Variants in POLR1C observed in about 807,000 individuals in gnomAD.
POLR1C encodes the protein RNA polymerase I and III subunit C.
A neutral mutation model predicts 38.3 loss-of-function variants in POLR1C; 42 were observed. The ratio of observed to expected loss-of-function variants is 1.10; its 90% CI spans 0.86 to 1.42. The LOEUF is 1.42. POLR1C is among the 40% of genes most tolerant of loss of function. The pLI, the probability that POLR1C is intolerant of heterozygous loss-of-function variation, is 0.00. For missense variants in POLR1C, 507 were observed against 450.5 expected (o/e 1.13, Z -1.14); for synonymous variants, 163 against 163.9 (o/e 0.99, Z 0.04).
chr6:43,527,548 T>C, intron 8 of POLR1C: 3 of 1,339,640 alleles, frequency 2.2e-6, no homozygotes, highest in Non-Finnish European at 2.1e-6. Flanking sequence ...TCCTTTGCAT[T>C]AGTCAGGCCT....
chr6:43,528,009 C>A, intron 8 of POLR1C: 1 of 820,032 alleles, frequency 1.2e-6, no homozygotes. Context: ...AACAGCCTGT[C>A]CAGACAAGCC....
chr6:43,528,158 C>A, intron 8 of POLR1C: 1 of 1,591,302 alleles, frequency 6.3e-7, no homozygotes, highest in Admixed American at 1.8e-5. Flanking sequence ...GTATCCCTTA[C>A]CACAGCAGGC....
At chr6:43,552,821 A>C (rs560082375) in intron 10 of POLR1C, among the ~76,000 whole-genome samples, 1 of 152,282 alleles carries the variant, frequency 6.6e-6, no homozygotes, top group Non-Finnish European at 1.5e-5. Context: ...TGGCCACTAT[A>C]CTGGTGGCGT....
intron 10 of POLR1C, among the ~76,000 whole-genome samples, chr6:43,556,456 G>T (rs1208988255): frequency 6.6e-6 from 1 of 151,188 alleles, no homozygotes; most frequent in East Asian, 1.9e-4. Context: ...GCCCAGGGAG[G>T]TGAAGATTGT....
downstream of POLR1C, chr6:43,533,853 G>T: frequency 7.5e-7 from 1 of 1,339,432 alleles, no homozygotes; most frequent in Non-Finnish European, 1.0e-6. Flanking sequence ...AAAAAAAGGG[G>T]ACATCCATTA....
At chr6:43,552,302 C>T (rs904124042) in intron 10 of POLR1C, among the ~76,000 whole-genome samples, 6 of 152,114 alleles carry the variant, frequency 3.9e-5, no homozygotes, top group Non-Finnish European at 8.8e-5. Context: ...AGGTGATCCA[C>T]CCACCTTAGC....
At chr6:43,535,195 G>A (rs1794240161) in intron 9 of POLR1C, among the ~76,000 whole-genome samples, 2 of 151,684 alleles carry the variant, frequency 1.3e-5, no homozygotes, top group South Asian at 2.1e-4. Context: ...GGGAGGCTGA[G>A]CTTGCAGTGA....
At chr6:43,558,516 T>C (rs1762235063) in intron 10 of POLR1C, 2 of 1,602,216 alleles carry the variant, frequency 1.2e-6, no homozygotes, top group Non-Finnish European at 1.7e-6. Flanking sequence ...AAGAAAGCAT[T>C]GAAGTCCTCA....
At chr6:43,524,751 T>G (rs1393562730), downstream of POLR1C, 6 of 1,589,502 alleles carry the variant, frequency 3.8e-6, no homozygotes, top group Non-Finnish European at 5.1e-6. Flanking sequence ...GTGCCTGAAT[T>G]TAGGATAAGG....
At chr6:43,556,901 G>A (rs1762119481) in intron 10 of POLR1C, among the ~76,000 whole-genome samples, 1 of 152,192 alleles carries the variant, frequency 6.6e-6, no homozygotes, top group African/African-American at 2.4e-5. Context: ...GCCAAGGCAG[G>A]TGAATCAGCT....
At chr6:43,558,354 T>G (rs1762222662) in intron 10 of POLR1C, 3 of 681,488 alleles carry the variant, frequency 4.4e-6, no homozygotes, top group Non-Finnish European at 7.2e-6. Flanking sequence ...AGCACTCTTC[T>G]GCAATGGGAA....
chr6:43,523,876 C>A, downstream of POLR1C: 1 of 1,613,982 alleles, frequency 6.2e-7, no homozygotes, highest in Non-Finnish European at 8.5e-7. Context: ...ATTCAGGGTT[C>A]AAAGATGGTG....
intron 8 of POLR1C, chr6:43,527,822 T>C (rs1561863998): frequency 2.2e-5 from 30 of 1,365,350 alleles, no homozygotes; most frequent in South Asian, 2.5e-5. Flanking sequence ...CTCTGACCAC[T>C]TTCTTCTCCT....
chr6:43,549,932 T>TA, intron 9 of POLR1C: 1 of 1,612,296 alleles, frequency 6.2e-7, no homozygotes, highest in East Asian at 2.2e-5. Flanking sequence ...CAGATGAAAA[T>TA]AGCTAAGGGA....
At chr6:43,517,428 G>A (rs1792892117) in intron 2 of POLR1C, 51 bp downstream of exon 2, 1 of 1,480,932 alleles carries the variant, frequency 6.8e-7, no homozygotes, top group African/African-American at 1.4e-5. Context: ...CAGACCTTGT[G>A]GTCTGAGCAG....
chr6:43,525,434 G>A (rs890990842), downstream of POLR1C: 3 of 546,508 alleles, frequency 5.5e-6, no homozygotes, highest in Non-Finnish European at 9.6e-6. Context: ...CACCATGCCT[G>A]GCTTAGGAGC....
At chr6:43,536,017 G>A (rs992569731) in intron 9 of POLR1C, among the ~76,000 whole-genome samples, 43 of 143,244 alleles carry the variant, frequency 3.0e-4, no homozygotes, top group East Asian at 1.7e-3. Context: ...CAGCTTCTCC[G>A]GAGGCTGAGG....
At chr6:43,524,226 C>T (rs1220847974), downstream of POLR1C, among the ~76,000 whole-genome samples, 3 of 152,064 alleles carry the variant, frequency 2.0e-5, no homozygotes, top group Non-Finnish European at 4.4e-5. Flanking sequence ...GTGGTGCATG[C>T]CTGTAATCCC....
At chr6:43,526,014 G>C, downstream of POLR1C, 1 of 1,429,146 alleles carries the variant, frequency 7.0e-7, no homozygotes, top group South Asian at 1.2e-5. Flanking sequence ...AAGCAAAGCT[G>C]AGTGTTCTAG....
Sources: gnomAD v4.1 joint callset for allele counts (sites outside exome capture counted in the v4.1 genomes callset) on GRCh38, gnomAD v4.1.1 for gene constraint, MANE v1.5 for transcripts, NCBI Gene and HGNC (gene_info 2026-07-23, HGNC 2026-07-21) for gene names.